The following DGUOK variants were observed in gnomAD, a reference collection of about 807,000 sequenced individuals.
DGUOK encodes the protein deoxyguanosine kinase, also known as deoxyguanosine kinase, mitochondrial.
In DGUOK, 30 loss-of-function variants were observed where a neutral mutation model predicts 36.6. That is an observed-to-expected ratio of 0.82 (90% confidence interval 0.61 to 1.11). The LOEUF (loss-of-function observed/expected upper bound fraction) is 1.11. DGUOK is among the 50% of genes most tolerant of loss of function. The pLI is 0.00. For synonymous variants in DGUOK, 145 were observed against 126.3 expected (o/e 1.15, Z -0.99); for missense variants, 361 against 336.4 (o/e 1.07, Z -0.57).
chr2:73,953,093 G>C (rs1682813936), intron 4 of DGUOK, among the ~76,000 whole-genome samples: 1 of 152,068 alleles, frequency 6.6e-6, no homozygotes, highest in Non-Finnish European at 1.5e-5. Context: ...TCCCACGAGA[G>C]TGAGAACTCA....
intron 1 of DGUOK, among the ~76,000 whole-genome samples, chr2:73,931,183 A>G (rs1201212779): frequency 6.6e-6 from 1 of 152,226 alleles, no homozygotes; most frequent in Non-Finnish European, 1.5e-5. Context: ...CCCAAGAGGA[A>G]GAAGAGGGAA....
At chr2:73,937,778 AGAT>A (rs1681579226) in intron 1 of DGUOK, among the ~76,000 whole-genome samples, 1 of 152,220 alleles carries the variant, frequency 6.6e-6, no homozygotes. Context: ...AAATGGGAAA[AGAT>A]AACTTGAATG....
chr2:73,936,651 T>C (rs554466025), intron 1 of DGUOK, among the ~76,000 whole-genome samples: 14 of 152,308 alleles, frequency 9.2e-5, no homozygotes, highest in African/African-American at 3.1e-4. Context: ...ATAGAGGAGA[T>C]TGAGGTCCAG....
intron 5 of DGUOK, among the ~76,000 whole-genome samples, chr2:73,957,640 C>T (rs1309862875): frequency 6.6e-6 from 1 of 152,226 alleles, no homozygotes; most frequent in Non-Finnish European, 1.5e-5. Context: ...CACCACTGTA[C>T]TCCAGCCTGG....
At chr2:73,951,156 C>G (rs1682676385) in intron 4 of DGUOK, among the ~76,000 whole-genome samples, 1 of 152,138 alleles carries the variant, frequency 6.6e-6, no homozygotes, top group Non-Finnish European at 1.5e-5. Flanking sequence ...CATCATGATA[C>G]TGCCCTAATT....
chr2:73,928,120 G>A (rs1464606437), intron 1 of DGUOK, among the ~76,000 whole-genome samples: 1 of 151,972 alleles, frequency 6.6e-6, no homozygotes, highest in Admixed American at 6.6e-5. Context: ...GAAGAATTGA[G>A]GGAAGTTTTT....
chr2:73,938,888 A>G (rs748306108), intron 1 of DGUOK, 22 bp from the exon 2 acceptor site: 15 of 1,541,644 alleles, frequency 9.7e-6, no homozygotes, highest in Non-Finnish European at 1.3e-5. Context: ...AAGCATCCCA[A>G]TACATGCTAT....
At chr2:73,933,837 C>T (rs1280449657) in intron 1 of DGUOK, among the ~76,000 whole-genome samples, 1 of 151,950 alleles carries the variant, frequency 6.6e-6, no homozygotes, top group Non-Finnish European at 1.5e-5. Flanking sequence ...AGTAGCTACT[C>T]CATAAACATT....
chr2:73,948,421 T>C (rs774562345), intron 3 of DGUOK, among the ~76,000 whole-genome samples: 1 of 152,256 alleles, frequency 6.6e-6, no homozygotes, highest in Admixed American at 6.5e-5. Context: ...TTCCAGGTGC[T>C]ATCTTCAGTG....
At chr2:73,946,649 TG>T in intron 2 of DGUOK, 69 bp from the exon 3 acceptor site, 1 of 1,380,480 alleles carries the variant, frequency 7.2e-7, no homozygotes, top group Non-Finnish European at 1.0e-6. Flanking sequence ...GGGGTGTGTG[TG>T]GAGGGGTGTA....
At chr2:73,938,246 T>C (rs1489472060) in intron 1 of DGUOK, among the ~76,000 whole-genome samples, 1 of 152,226 alleles carries the variant, frequency 6.6e-6, no homozygotes, top group Non-Finnish European at 1.5e-5. Flanking sequence ...TTGTCATCTT[T>C]TAGGTCTTAC....
At chr2:73,950,178 GTTTA>G (rs35404246) in intron 3 of DGUOK, among the ~76,000 whole-genome samples, 82,116 of 151,584 alleles carry the variant, frequency 0.54, 23,738 homozygotes, top group Non-Finnish European at 0.63. Context: ...GGATTCACTT[GTTTA>G]TTTGTTTTGG....
intron 1 of DGUOK, among the ~76,000 whole-genome samples, chr2:73,934,993 T>C (rs1490911854): frequency 6.6e-6 from 1 of 151,794 alleles, no homozygotes; most frequent in African/African-American, 2.4e-5. Context: ...GGAGAATCGC[T>C]TGAACCCAGG....
chr2:73,940,898 G>A (rs1053802425), intron 2 of DGUOK, among the ~76,000 whole-genome samples: 2 of 152,178 alleles, frequency 1.3e-5, no homozygotes, highest in African/African-American at 2.4e-5. Context: ...ATTGTCTAAC[G>A]ACACATTTCT....
intron 2 of DGUOK, among the ~76,000 whole-genome samples, chr2:73,945,319 T>C (rs188286781): frequency 1.3e-4 from 20 of 152,324 alleles, no homozygotes; most frequent in Admixed American, 7.8e-4. Flanking sequence ...TCCAGCTTCG[T>C]ACATCCTCAT....
intron 2 of DGUOK, among the ~76,000 whole-genome samples, chr2:73,943,113 G>A (rs1248264533): frequency 6.6e-6 from 1 of 151,978 alleles, no homozygotes; most frequent in African/African-American, 2.4e-5. Flanking sequence ...CAGTTGGTTG[G>A]TATTATTATT....
chr2:73,958,168 A>T lies in DGUOK; in HGVS notation c.730A>T (p.Asn244Tyr). 1 of 1,613,830 alleles carries T rather than the reference A, an allele frequency of 6.2e-7. No homozygotes were observed. The highest frequency in any genetic ancestry group is 8.5e-7 in the Non-Finnish European group (1 of 1,179,786). The change falls in exon 6 of 7, where the codon AAC becomes TAC. Residue 244 changes from asparagine (N) to tyrosine (Y), a missense_variant. Coordinates refer to ENST00000264093, the MANE Select transcript of DGUOK (RefSeq NM_080916.3). ...TTKLHFEALM[N>Y]IPVLVLDVND... is the part of the protein sequence containing the mutation. ...TAGGCTCCACTTTGAGGCTCTGATG[A>T]ACATTCCAGTGCTGGTGTTGGATGT... is the stretch of plus-strand genomic sequence containing the variant.
At chr2:73,939,987 C>A (rs529247719) in intron 2 of DGUOK, among the ~76,000 whole-genome samples, 1 of 149,350 alleles carries the variant, frequency 6.7e-6, no homozygotes, top group South Asian at 2.1e-4. Flanking sequence ...CTGTAACCTC[C>A]AACTCCTGGG....
At chr2:73,956,907 G>A (rs1029883822) in intron 4 of DGUOK, among the ~76,000 whole-genome samples, 1 of 152,192 alleles carries the variant, frequency 6.6e-6, no homozygotes, top group East Asian at 1.9e-4. Context: ...ATCATTAACC[G>A]ACTTAGGATA....
Sources: gnomAD v4.1 joint callset for allele counts (sites outside exome capture counted in the v4.1 genomes callset) on GRCh38, gnomAD v4.1.1 for gene constraint, MANE v1.5 for transcripts, NCBI Gene and HGNC (gene_info 2026-07-23, HGNC 2026-07-21) for gene names.